CDC42BPA: variants seen among roughly 807,000 people sequenced by gnomAD.
The protein encoded by CDC42BPA is CDC42 binding protein kinase alpha, also known as serine/threonine-protein kinase MRCK alpha.
A neutral mutation model predicts 223.5 loss-of-function variants in CDC42BPA; 80 were observed. The ratio of observed to expected loss-of-function variants is 0.36; its 90% CI spans 0.30 to 0.43. The LOEUF is 0.43. CDC42BPA is among the 20% of genes least tolerant of loss of function. The probability of loss-of-function intolerance (pLI) is 1.00; values close to 1 mark genes in which losing one functional copy is unlikely to be tolerated. For missense variants in CDC42BPA, 1,743 were observed against 2,099.9 expected, an observed-to-expected ratio of 0.83 and a Z score of 3.32; for synonymous variants, 694 against 718.6, an observed-to-expected ratio of 0.97 and a Z score of 0.55.
chr1:227,082,175 A>G (rs1680816755), intron 16 of CDC42BPA, among the ~76,000 whole-genome samples: 1 of 152,106 alleles, frequency 6.6e-6, no homozygotes, highest in Non-Finnish European at 1.5e-5. Context: ...TTACAGCTAA[A>G]AAAAATTAGT....
chr1:227,188,936 C>CGT (rs138968241), intron 5 of CDC42BPA, among the ~76,000 whole-genome samples: 8 of 151,374 alleles, frequency 5.3e-5, no homozygotes, highest in South Asian at 2.1e-4. Flanking sequence ...GGAGGCTGTG[C>CGT]GTGTGTGTGT....
chr1:227,044,614 G>A (rs79340609), intron 23 of CDC42BPA, among the ~76,000 whole-genome samples: 19,583 of 152,042 alleles, frequency 0.13, 1,334 homozygotes, highest in East Asian at 0.27. Context: ...CAGAGCTGGG[G>A]TGGAAAGCCT....
chr1:227,300,066 T>C (rs576806505), intron 1 of CDC42BPA, among the ~76,000 whole-genome samples: 1 of 149,112 alleles, frequency 6.7e-6, no homozygotes, highest in South Asian at 2.1e-4. Flanking sequence ...GTCAGTTCTT[T>C]AGATTTTCAA....
At chr1:227,316,963 C>G (rs766397578) in intron 1 of CDC42BPA, 42 bp downstream of exon 1, 2 of 1,427,044 alleles carry the variant, frequency 1.4e-6, no homozygotes, top group African/African-American at 2.8e-5. Flanking sequence ...ATCATAATGA[C>G]CAGCTAAAGA....
intron 21 of CDC42BPA, among the ~76,000 whole-genome samples, chr1:227,060,717 CTT>C (rs59728048): frequency 0.095 from 8,903 of 93,802 alleles, 95 homozygotes; most frequent in Middle Eastern, 0.15. Flanking sequence ...TAAATAGGTA[CTT>C]TTTTTTTTTT....
chr1:227,146,206 A>G (rs1660680867), intron 7 of CDC42BPA, among the ~76,000 whole-genome samples: 1 of 152,196 alleles, frequency 6.6e-6, no homozygotes, highest in Non-Finnish European at 1.5e-5. Flanking sequence ...TACTCCTACT[A>G]TGCTAATATT....
At chr1:227,114,826 A>G (rs1011738415) in intron 12 of CDC42BPA, among the ~76,000 whole-genome samples, 2 of 152,176 alleles carry the variant, frequency 1.3e-5, no homozygotes, top group Non-Finnish European at 2.9e-5. Context: ...GCTGGTCCCA[A>G]GCATTTCAGA....
At chr1:227,121,992 G>A (rs1330004360) in intron 11 of CDC42BPA, among the ~76,000 whole-genome samples, 1 of 151,726 alleles carries the variant, frequency 6.6e-6, no homozygotes, top group East Asian at 1.9e-4. Flanking sequence ...GTAGAGATGG[G>A]GTTTCACCAT....
At chr1:227,024,455 A>G (rs1355625305) in intron 31 of CDC42BPA, among the ~76,000 whole-genome samples, 2 of 152,208 alleles carry the variant, frequency 1.3e-5, no homozygotes, top group Admixed American at 6.5e-5. Flanking sequence ...TTCTGCTCCT[A>G]GGTATATGAC....
chr1:227,145,908 A>G (rs1660620529), intron 7 of CDC42BPA, among the ~76,000 whole-genome samples, 171 bp from the exon 8 acceptor site: 2 of 152,168 alleles, frequency 1.3e-5, no homozygotes, highest in Admixed American at 1.3e-4. Flanking sequence ...ACAGAAGATC[A>G]TTTTCCTAGG....
chr1:227,304,803 C>T lies in CDC42BPA; in HGVS notation c.178+12202G>A, dbSNP rs148563141. The stretch of plus-strand genomic sequence containing the variant: ...AGATGAGTGTGGGACAAAAGAATAG[C>T]ACAAGAGAATTTTAGGGATGATGGA... On this transcript the variant is annotated intron_variant, in intron 1 of 36. Transcript: ENST00000366766. 5.0e-3 allele frequency among the ~76,000 whole-genome samples: 759 copies of T among 152,236 alleles called. 5 individuals are homozygous for T. Among genetic ancestry groups the T allele is most frequent in the African/African-American group, 0.017 (709 of 41,536 alleles).
chr1:227,314,160 C>G (rs1693985473), intron 1 of CDC42BPA, among the ~76,000 whole-genome samples: 1 of 152,084 alleles, frequency 6.6e-6, no homozygotes. Context: ...TTCTACAACT[C>G]CACTGTAATT....
chr1:227,241,418 T>C (rs936640811), intron 2 of CDC42BPA, among the ~76,000 whole-genome samples: 2 of 152,030 alleles, frequency 1.3e-5, no homozygotes, highest in Non-Finnish European at 2.9e-5. Context: ...TTATTTCTAA[T>C]AGCCAAAAAA....
chr1:227,104,717 A>T (rs575309479), intron 14 of CDC42BPA, among the ~76,000 whole-genome samples: 12 of 152,300 alleles, frequency 7.9e-5, no homozygotes, highest in Non-Finnish European at 7.3e-5. Flanking sequence ...CTGCGTCCTT[A>T]TAAAAGGAGA....
At chr1:227,252,713 G>C (rs574086394) in intron 2 of CDC42BPA, among the ~76,000 whole-genome samples, 1 of 152,126 alleles carries the variant, frequency 6.6e-6, no homozygotes, top group East Asian at 1.9e-4. Context: ...GCTTATTTTA[G>C]GAATGCAAAG....
chr1:226,994,363 T>A lies in CDC42BPA; in HGVS notation c.5170A>T (p.Ser1724Cys). The A allele has an allele frequency of 6.3e-7, 1 of 1,589,260 alleles. No homozygotes were observed. Among genetic ancestry groups the A allele is most frequent in the Non-Finnish European group, 8.6e-7 (1 of 1,166,178 alleles). The change falls in exon 37 of 37, where the codon AGT becomes TGT. Residue 1724 changes from serine to cysteine, a missense_variant. This residue lies in a region of CDC42BPA where 200 missense variants were observed against 192.8 expected (regional missense o/e 1.04). Coordinates refer to ENST00000366766, the MANE Select transcript of CDC42BPA (RefSeq NM_001394014.1). This position sits in a 1 kb window ranked among gnomAD's most constrained non-coding sequence, Gnocchi z 4.0. ...CTTGGGGGGCTGCTTAGGTTGGAAC[T>A]GTTGGAAGCTGTGGAATGCCTCGGA... ...DSPRHSTASN[S>C]SNLSSPPSPA...
At chr1:227,124,349 A>T (rs935208309) in intron 11 of CDC42BPA, among the ~76,000 whole-genome samples, 1 of 152,192 alleles carries the variant, frequency 6.6e-6, no homozygotes, top group Non-Finnish European at 1.5e-5. Context: ...TTTGCTCAAG[A>T]AGTATCTGGA....
intron 2 of CDC42BPA, among the ~76,000 whole-genome samples, chr1:227,223,702 T>C (rs1558804726): frequency 1.3e-5 from 2 of 152,250 alleles, no homozygotes; most frequent in African/African-American, 2.4e-5. Flanking sequence ...GTTCTAACTA[T>C]ACCACTACAG....
At chr1:227,141,279 T>C (rs1659617726) in intron 9 of CDC42BPA, among the ~76,000 whole-genome samples, 1 of 152,174 alleles carries the variant, frequency 6.6e-6, no homozygotes, top group Non-Finnish European at 1.5e-5. Context: ...TTCTATAATG[T>C]AAAGCAGAGA....
Sources: gnomAD v4.1 joint callset for allele counts (sites outside exome capture counted in the v4.1 genomes callset) on GRCh38, gnomAD v4.1.1 for gene constraint, gnomAD v4.1.1 regional missense constraint, Gnocchi (gnomAD v3.1) non-coding constraint, MANE v1.5 for transcripts, NCBI Gene and HGNC (gene_info 2026-07-23, HGNC 2026-07-21) for gene names.